Variants in ZNF469 observed in about 807,000 individuals in gnomAD.
ZNF469 encodes the protein zinc finger protein 469.
Under a neutral mutation model 1.0 loss-of-function variants are expected in ZNF469, and 1 was observed. The observed-to-expected ratio is 1.00, with a 90% CI of 0.35 to 4.73. The LOEUF (loss-of-function observed/expected upper bound fraction) is 4.73. ZNF469 is among the 30% of genes most tolerant of loss of function. The probability of loss-of-function intolerance (pLI) is 0.16; values close to 1 mark genes in which losing one functional copy is unlikely to be tolerated. For synonymous variants in ZNF469, 2,703 were observed against 2,363.4 expected (o/e 1.14, Z -4.17); for missense variants, 6,100 against 5,356.3 (o/e 1.14, Z -4.33).
chr16:88,140,217 T>G, the ZNF469 span, among the ~76,000 whole-genome samples: 2 of 152,106 alleles, frequency 1.3e-5, no homozygotes. Flanking sequence ...AAAAAAAAAC[T>G]TTGGCTATAT....
At chr16:88,179,764 C>G in the ZNF469 span, among the ~76,000 whole-genome samples, 1 of 152,062 alleles carries the variant, frequency 6.6e-6, no homozygotes, top group African/African-American at 2.4e-5. Context: ...AAAAGATATC[C>G]AAAGACAGAA....
In ZNF469 at chr16:88,429,104, C is replaced by T; in HGVS notation, c.1634C>T (p.Pro545Leu). ...GTGAGAAGCAGCCAGGGCGGCTCCC[C>T]AGCACTGTTCACCTACAACGGAATG... ...PAVRSSQGGS[P>L]ALFTYNGMTD... The change falls in exon 3 of 3, where the codon CCA (proline) becomes CTA (leucine). Residue 545 changes from proline (P) to leucine (L), a missense_variant. Transcript: ENST00000565624. The T allele has an allele frequency of 6.5e-7, 1 of 1,550,016 alleles. No individual in the cohort carries two copies. Among genetic ancestry groups the T allele is most frequent in the Non-Finnish European group, 8.7e-7 (1 of 1,146,888 alleles).
At chr16:88,389,740 C>A (rs970389218) in intron 1 of ZNF469, among the ~76,000 whole-genome samples, 3 of 152,182 alleles carry the variant, frequency 2.0e-5, no homozygotes, top group African/African-American at 7.2e-5. Flanking sequence ...CTCAGGATTC[C>A]CTGAGTAGGG....
At chr16:88,162,730 C>A in the ZNF469 span, among the ~76,000 whole-genome samples, 3 of 147,998 alleles carry the variant, frequency 2.0e-5, no homozygotes, top group Non-Finnish European at 4.5e-5. Context: ...GCCACCCTGG[C>A]AGTGTGTCAT....
At chr16:88,209,503 G>T in the ZNF469 span, among the ~76,000 whole-genome samples, 1 of 152,006 alleles carries the variant, frequency 6.6e-6, no homozygotes, top group Non-Finnish European at 1.5e-5. Flanking sequence ...GTGTTAGCTA[G>T]GATGGTCTCC....
At chr16:88,273,306 A>G in the ZNF469 span, among the ~76,000 whole-genome samples, 2 of 151,788 alleles carry the variant, frequency 1.3e-5, no homozygotes, top group East Asian at 3.9e-4. Flanking sequence ...TCACAACCAC[A>G]TTACTCTGCA....
the ZNF469 span, among the ~76,000 whole-genome samples, chr16:88,278,449 C>T: frequency 1.1e-5 from 1 of 91,346 alleles, no homozygotes; most frequent in Non-Finnish European, 2.5e-5. Flanking sequence ...TGCTGTGCCA[C>T]GCCGACGCTC....
the ZNF469 span, among the ~76,000 whole-genome samples, chr16:88,189,214 A>T: frequency 1.3e-5 from 2 of 152,174 alleles, no homozygotes; most frequent in Non-Finnish European, 2.9e-5. The surrounding 1 kb of genome is among the most constrained non-coding windows in gnomAD (Gnocchi z 4.3). Context: ...GTCACTTCTG[A>T]TCGTAACAAC....
At chr16:88,310,105 C>T in the ZNF469 span, among the ~76,000 whole-genome samples, 3 of 152,222 alleles carry the variant, frequency 2.0e-5, no homozygotes, top group Non-Finnish European at 4.4e-5. Context: ...TCCAGTGGTG[C>T]AGTGGGGGCA....
At chr16:88,282,689 C>T in the ZNF469 span, among the ~76,000 whole-genome samples, 6 of 152,204 alleles carry the variant, frequency 3.9e-5, no homozygotes, top group African/African-American at 1.2e-4. Context: ...CAGTGCAGAG[C>T]AGAGTCCCAC....
At chr16:88,110,830 C>T in the ZNF469 span, among the ~76,000 whole-genome samples, 5 of 152,222 alleles carry the variant, frequency 3.3e-5, no homozygotes, top group African/African-American at 1.2e-4. Flanking sequence ...CCCAGGGCAG[C>T]AGGTGCAGCT....
the ZNF469 span, among the ~76,000 whole-genome samples, chr16:88,341,291 T>C: frequency 3.3e-5 from 5 of 152,296 alleles, no homozygotes; most frequent in African/African-American, 1.2e-4. Flanking sequence ...CCCCTCAGTC[T>C]ATTCTCCAGG....
At chr16:88,391,855 T>A (rs189647299) in intron 1 of ZNF469, among the ~76,000 whole-genome samples, 57 of 152,322 alleles carry the variant, frequency 3.7e-4, no homozygotes, top group African/African-American at 1.3e-3. Context: ...AGTCTGTGGG[T>A]CAGAGCTCAC....
chr16:88,332,736 C>T, the ZNF469 span, among the ~76,000 whole-genome samples: 6 of 152,272 alleles, frequency 3.9e-5, no homozygotes, highest in South Asian at 1.2e-3. Flanking sequence ...CTGCTGGGAA[C>T]AGGGTGAGGG....
the ZNF469 span, among the ~76,000 whole-genome samples, chr16:88,255,030 CTTCTT>C: frequency 3.3e-5 from 5 of 152,158 alleles, no homozygotes; most frequent in Non-Finnish European, 5.9e-5. Flanking sequence ...TGTTCAGTAG[CTTCTT>C]TTCTTAATAT....
the ZNF469 span, among the ~76,000 whole-genome samples, chr16:88,238,170 G>A: frequency 0.011 from 1,697 of 152,362 alleles, 12 homozygotes; most frequent in African/African-American, 0.039. Flanking sequence ...AGCTCTGACG[G>A]GGAGGGGGAT....
chr16:88,211,395 G>C, the ZNF469 span, among the ~76,000 whole-genome samples: 2 of 152,224 alleles, frequency 1.3e-5, no homozygotes, highest in African/African-American at 4.8e-5. Flanking sequence ...TCCCATGCTG[G>C]GTCACGGACT....
Position 88,430,927 on chromosome 16 carries a change from G to C in ZNF469, c.3457G>C (p.Ala1153Pro), listed in dbSNP as rs2142304116. ...GGAAGCCGGCGGGGACGGAGCCCCC[G>C]CGAACCCCGAGGAGCCGGGCGGGTC... The part of the protein sequence containing the change: ...RQEAGGDGAP[A>P]NPEEPGGSRP... The change falls in exon 3 of 3, where the codon GCG (alanine) becomes CCG (proline). Residue 1153 changes from alanine to proline, a missense_variant. Physicochemically the swap from Ala to Pro is conservative, Grantham distance 27 (BLOSUM62 -1). Coordinates refer to ENST00000565624, the MANE Select transcript of ZNF469 (RefSeq NM_001367624.2). The C allele has an allele frequency of 6.5e-7, 1 of 1,536,372 alleles. No individual in the cohort carries two copies. Among genetic ancestry groups the C allele is most frequent in the African/African-American group, 1.4e-5 (1 of 72,908 alleles).
At chr16:88,206,655 C>A in the ZNF469 span, among the ~76,000 whole-genome samples, 8 of 151,724 alleles carry the variant, frequency 5.3e-5, no homozygotes, top group Non-Finnish European at 1.2e-4. Context: ...GACTCTGGTT[C>A]CCTGGAACCC....
Sources: gnomAD v4.1 joint callset for allele counts (sites outside exome capture counted in the v4.1 genomes callset) on GRCh38, gnomAD v4.1.1 for gene constraint, Gnocchi (gnomAD v3.1) non-coding constraint, MANE v1.5 for transcripts, NCBI Gene and HGNC (gene_info 2026-07-23, HGNC 2026-07-21) for gene names.